The following APOBEC3G variants were observed in gnomAD, a reference collection of about 807,000 sequenced individuals.
The protein encoded by APOBEC3G is apolipoprotein B mRNA editing enzyme catalytic subunit 3G, also known as DNA dC->dU-editing enzyme APOBEC-3G.
APOBEC3G carries 44 observed loss-of-function variants against 50.0 expected under a neutral mutation model. The ratio of observed to expected loss-of-function variants is 0.88; its 90% CI spans 0.69 to 1.13. The LOEUF (loss-of-function observed/expected upper bound fraction) is 1.13. APOBEC3G is among the 50% of genes most tolerant of loss of function. The pLI, the probability that APOBEC3G is intolerant of heterozygous loss-of-function variation, is 0.00. For missense variants in APOBEC3G, 469 were observed against 492.0 expected (o/e 0.95, Z 0.44); for synonymous variants, 156 against 175.3 (o/e 0.89, Z 0.87).
chr22:39,081,787 C>T, intron 4 of APOBEC3G: 2 of 540,766 alleles, frequency 3.7e-6, no homozygotes, highest in South Asian at 4.5e-5. Context: ...CACCTGCTTT[C>T]CTGGGCCCTT....
rs1928576912 is a variant in APOBEC3G at position 39,083,774 on chromosome 22, G to T, written c.625G>T (p.Glu209Ter). The T allele has an allele frequency of 1.2e-6, 2 of 1,613,986 alleles. No individual in the cohort carries two copies. The highest frequency in any genetic ancestry group is 1.7e-6 in the Non-Finnish European group (2 of 1,179,910). ...CACATTCACTTTCAACTTTAACAATGAACCTTGGGTCAGAGGACGGCATGA... is the reference window on the plus strand; with the variant it reads ...CACATTCACTTTCAACTTTAACAATTAACCTTGGGTCAGAGGACGGCATGA... ...PPTFTFNFNN[E>*]PWVRGRHETY... Residue 209 changes from glutamate (E) to a stop codon, truncating the protein, a stop_gained, in exon 5 of 8, where the codon GAA becomes TAA. Coordinates refer to ENST00000407997, the MANE Select transcript of APOBEC3G (RefSeq NM_021822.4). LOFTEE classifies it high-confidence loss of function.
intron 1 of APOBEC3G, among the ~76,000 whole-genome samples, chr22:39,077,832 T>C (rs527878045): frequency 1.3e-5 from 2 of 152,294 alleles, no homozygotes; most frequent in East Asian, 1.9e-4. Flanking sequence ...GGGGAGGGAA[T>C]GGTCTCTGAA....
intron 4 of APOBEC3G, chr22:39,082,891 A>C (rs1047416551): frequency 2.0e-5 from 3 of 152,140 alleles, no homozygotes; most frequent in Non-Finnish European, 4.4e-5. Context: ...TCTGCACCCA[A>C]CACTCCTGAG....
At chr22:39,081,906 G>C (rs948714522) in intron 4 of APOBEC3G, 6 of 278,742 alleles carry the variant, frequency 2.2e-5, no homozygotes, top group South Asian at 1.0e-4. Context: ...CGAATTTGTC[G>C]TAAAACTGGA....
chr22:39,080,814 A>G (rs1433255150), intron 2 of APOBEC3G, 119 bp from the exon 3 acceptor site: 3 of 904,336 alleles, frequency 3.3e-6, no homozygotes, highest in African/African-American at 1.7e-5. Context: ...GATGGAGGAA[A>G]GGAGCTTCAA....
upstream of APOBEC3G, chr22:39,077,230 C>T (rs150525951): frequency 8.7e-6 from 13 of 1,489,626 alleles, no homozygotes; most frequent in Admixed American, 2.0e-5. Flanking sequence ...GAGCAGGAAG[C>T]GGGAGGGGCC....
In APOBEC3G at chr22:39,079,090, C is replaced by T. The variant is rs1312905948; in HGVS notation, c.171+5C>T. 6.8e-6 allele frequency: 11 copies of T among 1,613,768 alleles called. No homozygotes were observed. Among genetic ancestry groups the T allele is most frequent in the Non-Finnish European group, 8.5e-6 (10 of 1,179,918 alleles). On this transcript the variant is annotated splice_donor_5th_base_variant and intron_variant, in intron 2 of 7. Transcript: ENST00000407997. The stretch of plus-strand genomic sequence containing the variant: ...GCAAAGATCTTTCGAGGCCAGGTAC[C>T]ACCCGGACTCCAATCACTTTGCAGG...
rs773807793 is a variant in APOBEC3G at position 39,080,897 on chromosome 22, C to T, written c.172-36C>T. On this transcript the variant is annotated intron_variant, in intron 2 of 7. Coordinates refer to ENST00000407997, the MANE Select transcript of APOBEC3G (RefSeq NM_021822.4). ...CACCCCTGCTCTCCTCCTGCTCCCC[C>T]TCTCAGAGCTTGCCCTGACCCTGCT... The T allele has an allele frequency of 1.7e-5, 27 of 1,572,154 alleles. 1 individual carries two copies. In the South Asian group the frequency reaches 2.9e-4, roughly 17 times the overall value.
Position 39,086,530 on chromosome 22 carries a change from C to G in APOBEC3G, c.987C>G (p.Ala329=). Residue 329 remains alanine, a synonymous_variant, in exon 6 of 8, where the codon GCC becomes GCG. Coordinates refer to ENST00000407997, the MANE Select transcript of APOBEC3G (RefSeq NM_021822.4). Reference sequence around the variant, plus strand: ...GTCAGGAGGGGCTGCGCACCCTGGCCGAGGCTGGGGCCAAAATTTCAATAA... The same window carrying G: ...GTCAGGAGGGGCTGCGCACCCTGGCGGAGGCTGGGGCCAAAATTTCAATAA... ...GRCQEGLRTL[A]EAGAKISIMT... is the part of the protein sequence containing the mutation. 6.2e-7 allele frequency: 1 copy of G among 1,610,566 alleles called. No individual in the cohort carries two copies. Among genetic ancestry groups the G allele is most frequent in the Non-Finnish European group, 8.5e-7 (1 of 1,177,624 alleles).
rs1733630733 is a variant in APOBEC3G, at chr22:39,083,668, G to A, written c.582-63G>A. The stretch of plus-strand genomic sequence containing the variant: ...GTGCAAGGGAGGAAGCGTGGAGAGG[G>A]AGGGGGAGGTGGGACAGACCAGGAG... On this transcript the variant is annotated intron_variant, in intron 4 of 7. Coordinates refer to ENST00000407997, the MANE Select transcript of APOBEC3G (RefSeq NM_021822.4). 2.9e-5 allele frequency: 45 copies of A among 1,565,996 alleles called. No individual in the cohort carries two copies. In the South Asian group the frequency reaches 5.1e-4, roughly 18 times the overall value.
chr22:39,087,658 G>A lies in APOBEC3G; in HGVS notation c.*237G>A. ...GTACTAAGATTGTGCTCAATACACA[G>A]AAAAGTTTCAAACCTACTAATCCAG... On this transcript the variant is annotated 3_prime_UTR_variant, in exon 8 of 8. Coordinates refer to ENST00000407997, the MANE Select transcript of APOBEC3G (RefSeq NM_021822.4). The A allele has an allele frequency of 1.2e-6, 1 of 818,372 alleles. No homozygotes were observed. Among genetic ancestry groups the A allele is most frequent in the Admixed American group, 3.2e-5 (1 of 31,068 alleles). The allele number at this position is 818,372 out of a possible 1,614,324, so 50.7% of individuals were successfully genotyped here.
chr22:39,079,329 T>C (rs1329573448), intron 2 of APOBEC3G: 2 of 510,858 alleles, frequency 3.9e-6, no homozygotes, highest in South Asian at 3.0e-5. Flanking sequence ...TTTCTTTTTT[T>C]TTTTTGAGAC....
chr22:39,081,250 G>T (rs759267452), intron 3 of APOBEC3G, 23 bp downstream of exon 3: 2 of 1,609,892 alleles, frequency 1.2e-6, no homozygotes, highest in South Asian at 1.1e-5. Flanking sequence ...AGGTTCAGGG[G>T]TGTGGGAGAG....
intron 1 of APOBEC3G, chr22:39,078,571 C>T: frequency 1.0e-5 from 2 of 192,600 alleles, no homozygotes; most frequent in Non-Finnish European, 2.1e-5. Flanking sequence ...CCCCGCGCAG[C>T]ACTTAGAAGA....
chr22:39,077,793 C>T (rs1228559598), intron 1 of APOBEC3G, among the ~76,000 whole-genome samples: 1 of 152,170 alleles, frequency 6.6e-6, no homozygotes, highest in East Asian at 1.9e-4. Flanking sequence ...ATTTACTTTG[C>T]TTAAATACCA....
chr22:39,085,419 C>A (rs1186359135), intron 5 of APOBEC3G, among the ~76,000 whole-genome samples: 1 of 152,206 alleles, frequency 6.6e-6, no homozygotes, highest in East Asian at 1.9e-4. Flanking sequence ...GAAGCACACG[C>A]AGCTCAGTGG....
chr22:39,087,616 T>A lies in APOBEC3G; in HGVS notation c.*195T>A. 8.9e-7 allele frequency: 1 copy of A among 1,120,766 alleles called. No homozygotes were observed. Among genetic ancestry groups the A allele is most frequent in the Non-Finnish European group, 1.3e-6 (1 of 799,882 alleles). The allele number at this position is 1,120,766 out of a possible 1,614,324, so 69.4% of individuals were successfully genotyped here. The stretch of plus-strand genomic sequence containing the variant: ...CATTACTTTGAATCAAAAATTTATT[T>A]ATATTTCAAGAATAAAGTACTAAGA... On this transcript the variant is annotated 3_prime_UTR_variant, in exon 8 of 8. Transcript: ENST00000407997.
chr22:39,085,850 G>A (rs1380306957), intron 5 of APOBEC3G, among the ~76,000 whole-genome samples: 1 of 152,110 alleles, frequency 6.6e-6, no homozygotes, highest in African/African-American at 2.4e-5. Context: ...TGGCGCCACT[G>A]CACTCCAGCC....
intron 5 of APOBEC3G, among the ~76,000 whole-genome samples, chr22:39,084,240 C>T (rs3091374): frequency 0.45 from 67,722 of 152,002 alleles, 17,464 homozygotes; most frequent in East Asian, 0.65. Context: ...AAAGAAAAAG[C>T]GCTTCCGGCC....
Sources: allele counts gnomAD v4.1 joint callset (sites outside exome capture counted in the v4.1 genomes callset), GRCh38; gene constraint gnomAD v4.1.1; transcripts MANE v1.5; gene names NCBI Gene and HGNC (gene_info 2026-07-23, HGNC 2026-07-21).